FILIP1L: variants seen among roughly 807,000 people sequenced by gnomAD.
FILIP1L encodes filamin A interacting protein 1 like, also known as filamin A-interacting protein 1-like.
In FILIP1L, 55 loss-of-function variants were observed where a neutral mutation model predicts 96.6. The ratio of observed to expected loss-of-function variants is 0.57; its 90% CI spans 0.46 to 0.71. The LOEUF (loss-of-function observed/expected upper bound fraction) is 0.71. Ranked by LOEUF, FILIP1L falls within the 30% of genes least tolerant of loss-of-function variation. FILIP1L has a pLI of 0.00. For missense variants in FILIP1L, 1,304 were observed against 1,321.2 expected (o/e 0.99, Z 0.20); for synonymous variants, 467 against 473.9 (o/e 0.99, Z 0.19).
At chr3:99,891,324 T>C (rs899639354) in intron 4 of FILIP1L, among the ~76,000 whole-genome samples, 3 of 152,204 alleles carry the variant, frequency 2.0e-5, no homozygotes, top group African/African-American at 7.2e-5. Context: ...GGGAGGACCC[T>C]GGGCTTTGTA....
At chr3:100,001,831 T>A (rs1007405559) in intron 1 of FILIP1L, among the ~76,000 whole-genome samples, 6 of 152,330 alleles carry the variant, frequency 3.9e-5, no homozygotes, top group Admixed American at 1.3e-4. Flanking sequence ...GATGGGTGTC[T>A]TGTTGAATGC....
intron 1 of FILIP1L, among the ~76,000 whole-genome samples, chr3:100,001,945 CT>C (rs1709854010): frequency 6.6e-6 from 1 of 152,194 alleles, no homozygotes; most frequent in African/African-American, 2.4e-5. Context: ...AATGAGACAT[CT>C]GGTTTTCATC....
At chr3:99,876,153 C>G (rs1705505848) in intron 4 of FILIP1L, 1 of 985,978 alleles carries the variant, frequency 1.0e-6, no homozygotes, top group South Asian at 4.7e-5. Context: ...GTGCGCGCTC[C>G]GAGAGTCGCC....
Position 99,848,367 on chromosome 3 carries a change from T to G in FILIP1L, c.3309A>C (p.Thr1103=). The part of the protein sequence containing the change: ...QGLINGALNK[T]TNKVTSSITI... ...TAATACTGCTGGTGACTTTATTGGT[T>G]GTTTTGTTTAGTGCCCCGTTAATTA... The change falls in exon 5 of 6, where the codon ACA becomes ACC. Residue 1103 remains threonine, a synonymous_variant. Coordinates refer to ENST00000477258, the MANE Select transcript of FILIP1L (RefSeq NM_001387850.1). 6.2e-7 allele frequency: 1 copy of G among 1,614,166 alleles called. No individual in the cohort carries two copies. The highest frequency in any genetic ancestry group is 8.5e-7 in the Non-Finnish European group (1 of 1,180,006).
At chr3:99,847,579 A>G (rs2107518834) in intron 5 of FILIP1L, among the ~76,000 whole-genome samples, 1 of 152,320 alleles carries the variant, frequency 6.6e-6, no homozygotes, top group Admixed American at 6.5e-5. Flanking sequence ...CATGAAAACC[A>G]AAATTATTCG....
intron 1 of FILIP1L, among the ~76,000 whole-genome samples, chr3:100,032,059 G>A (rs553949662): frequency 7.0e-4 from 106 of 152,206 alleles, no homozygotes; most frequent in Admixed American, 1.2e-3. Flanking sequence ...TATAAAGACA[G>A]GCTACAGACC....
At chr3:99,872,269 C>CTGTGTGTGTGTG (rs55727823) in intron 4 of FILIP1L, among the ~76,000 whole-genome samples, 1,870 of 110,760 alleles carry the variant, frequency 0.017, 53 homozygotes, top group East Asian at 0.027. Context: ...TGTGCCAGGA[C>CTGTGTGTGTGTG]TGTGTGTGTG....
intron 1 of FILIP1L, among the ~76,000 whole-genome samples, chr3:100,008,783 TG>T (rs1345941843): frequency 6.6e-6 from 1 of 152,190 alleles, no homozygotes; most frequent in Non-Finnish European, 1.5e-5. Context: ...CTCTGGCCCT[TG>T]TATTTTGCGT....
chr3:99,893,887 C>T (rs1470488871), intron 4 of FILIP1L, among the ~76,000 whole-genome samples: 1 of 152,148 alleles, frequency 6.6e-6, no homozygotes. Context: ...AAATCTGGCT[C>T]CCCCTTTGCC....
chr3:99,954,763 T>C (rs562496829), intron 1 of FILIP1L, among the ~76,000 whole-genome samples: 1 of 151,822 alleles, frequency 6.6e-6, no homozygotes, highest in Non-Finnish European at 1.5e-5. Flanking sequence ...GAGGTGGAGA[T>C]TGCAGTGAGC....
At chr3:100,111,728 A>C (rs2066494425) in intron 1 of FILIP1L, among the ~76,000 whole-genome samples, 1 of 152,188 alleles carries the variant, frequency 6.6e-6, no homozygotes, top group South Asian at 2.1e-4. Flanking sequence ...TGTCTGACCC[A>C]ATTCTGAAGA....
chr3:100,062,999 A>G (rs1249376408), intron 1 of FILIP1L, among the ~76,000 whole-genome samples: 1 of 152,216 alleles, frequency 6.6e-6, no homozygotes, highest in African/African-American at 2.4e-5. Flanking sequence ...TTTGACACAT[A>G]AAGGCAAAAT....
intron 1 of FILIP1L, 22 bp from the exon 2 acceptor site, chr3:99,931,052 T>C (rs1311755885): frequency 6.2e-7 from 1 of 1,603,556 alleles, no homozygotes; most frequent in African/African-American, 1.3e-5. Flanking sequence ...GAAGAAAATT[T>C]GTAAAGCTTA....
intron 1 of FILIP1L, among the ~76,000 whole-genome samples, chr3:100,026,176 G>A (rs2064917136): frequency 6.6e-6 from 1 of 152,178 alleles, no homozygotes; most frequent in Non-Finnish European, 1.5e-5. Context: ...ATCTGGAAGA[G>A]TAGGCTGTAG....
intron 1 of FILIP1L, among the ~76,000 whole-genome samples, chr3:100,037,445 C>T (rs1295793447): frequency 6.6e-6 from 1 of 151,830 alleles, no homozygotes; most frequent in Admixed American, 6.6e-5. Context: ...TAAAACAAAG[C>T]AAACAGACAC....
intron 1 of FILIP1L, among the ~76,000 whole-genome samples, chr3:99,990,070 G>A (rs1474001095): frequency 1.3e-5 from 2 of 152,062 alleles, no homozygotes; most frequent in Admixed American, 6.6e-5. Context: ...TCTGTTTGCC[G>A]CTTTGTGTTT....
At chr3:100,056,985 CAG>C in intron 1 of FILIP1L, among the ~76,000 whole-genome samples, 1 of 151,968 alleles carries the variant, frequency 6.6e-6, no homozygotes, top group Non-Finnish European at 1.5e-5. Flanking sequence ...GCCTGGGCAA[CAG>C]AGCGAGACTC....
At position 99,917,004 on chromosome 3, in the gene FILIP1L, T is replaced by C. The variant is rs879081824; in HGVS notation, c.605+7226A>G. Among the ~76,000 whole-genome samples, 7 of 152,230 alleles carry C rather than the reference T, an allele frequency of 4.6e-5. 1 individual carries two copies. Among genetic ancestry groups the C allele is most frequent in the African/African-American group, 1.7e-4 (7 of 41,458 alleles). On this transcript the variant is annotated intron_variant, in intron 4 of 5. Coordinates refer to ENST00000477258, the MANE Select transcript of FILIP1L (RefSeq NM_001387850.1). ...TGAGGCAAAAATTTCTATTTTGATA[T>C]GGTTTAGTGGCTCTTATTCCTCTTT...
chr3:100,087,487 G>C (rs1354947855), intron 1 of FILIP1L, among the ~76,000 whole-genome samples: 1 of 152,094 alleles, frequency 6.6e-6, no homozygotes, highest in Non-Finnish European at 1.5e-5. Context: ...AATGACTAAT[G>C]GTGTTGAGCA....
Sources: allele counts gnomAD v4.1 joint callset (sites outside exome capture counted in the v4.1 genomes callset), GRCh38; gene constraint gnomAD v4.1.1; transcripts MANE v1.5; gene names NCBI Gene and HGNC (gene_info 2026-07-23, HGNC 2026-07-21).